The following EFR3A variants were observed in gnomAD, a reference collection of about 807,000 sequenced individuals.
The protein encoded by EFR3A is EFR3 homolog A.
EFR3A carries 76 observed loss-of-function variants against 104.4 expected under a neutral mutation model. The ratio of observed to expected loss-of-function variants is 0.73; its 90% confidence interval spans 0.60 to 0.88. The LOEUF (loss-of-function observed/expected upper bound fraction) is 0.88, where lower values mean the gene tolerates loss of function less well. Among genes scored for constraint, EFR3A ranks in the 40% least tolerant of loss-of-function variants. The probability of loss-of-function intolerance (pLI) is 0.00; values close to 1 mark genes in which losing one functional copy is unlikely to be tolerated. For synonymous variants in EFR3A, 330 were observed against 330.0 expected, an observed-to-expected ratio of 1.00 and a Z score of 0.00; for missense variants, 985 against 1,012.5, an observed-to-expected ratio of 0.97 and a Z score of 0.37.
At chr8:131,927,002 T>C (rs777925665) in intron 1 of EFR3A, among the ~76,000 whole-genome samples, 1 of 152,208 alleles carries the variant, frequency 6.6e-6, no homozygotes, top group Non-Finnish European at 1.5e-5. Context: ...CTGTGGACTT[T>C]CTTAGCAGTC....
At chr8:131,997,228 C>T (rs957451358) in intron 19 of EFR3A, among the ~76,000 whole-genome samples, 22 of 152,070 alleles carry the variant, frequency 1.4e-4, no homozygotes, top group African/African-American at 4.6e-4. Context: ...CAACCTCCAC[C>T]TTGTGGTTTA....
chr8:131,978,127 C>A (rs1820414780), intron 12 of EFR3A, among the ~76,000 whole-genome samples: 1 of 152,078 alleles, frequency 6.6e-6, no homozygotes, highest in Non-Finnish European at 1.5e-5. Context: ...TGTTTATAAT[C>A]CTGAAAATAT....
chr8:131,925,688 A>T (rs577358198), intron 1 of EFR3A, among the ~76,000 whole-genome samples: 2 of 152,046 alleles, frequency 1.3e-5, no homozygotes, highest in East Asian at 3.9e-4. Flanking sequence ...CTCCCTGAAG[A>T]CCTGATTATA....
At chr8:131,948,639 A>G (rs1000811485) in intron 4 of EFR3A, among the ~76,000 whole-genome samples, 13 of 152,100 alleles carry the variant, frequency 8.5e-5, no homozygotes, top group Admixed American at 7.9e-4. Context: ...GAATTTTAGT[A>G]TACATTTCCG....
At chr8:131,954,104 ACCTTTCTG>A in intron 6 of EFR3A, 137 bp downstream of exon 6, 1 of 864,924 alleles carries the variant, frequency 1.2e-6, no homozygotes, top group Non-Finnish European at 1.6e-6. Flanking sequence ...AAAAATATGT[ACCTTTCTG>A]AAAAAATTTT....
intron 5 of EFR3A, among the ~76,000 whole-genome samples, chr8:131,951,261 G>A (rs928898996): frequency 5.9e-5 from 9 of 152,116 alleles, no homozygotes; most frequent in African/African-American, 1.9e-4. Flanking sequence ...CTGTGATGCT[G>A]CTGGTATGAT....
At chr8:131,938,201 G>A (rs1199821051) in intron 1 of EFR3A, 8 of 397,252 alleles carry the variant, frequency 2.0e-5, no homozygotes, top group Non-Finnish European at 3.6e-5. Flanking sequence ...CAGAAAGATC[G>A]ACTAGAAAAT....
intron 22 of EFR3A, among the ~76,000 whole-genome samples, chr8:132,004,151 C>T (rs1821920003): frequency 6.6e-6 from 1 of 152,172 alleles, no homozygotes; most frequent in African/African-American, 2.4e-5. Flanking sequence ...ACATTTCCCT[C>T]CCATTCCTGC....
chr8:131,984,124 G>A lies in EFR3A; in HGVS notation c.1576-15G>A. The A allele has an allele frequency of 6.3e-7, 1 of 1,585,714 alleles. No homozygotes were observed. Among genetic ancestry groups the A allele is most frequent in the Non-Finnish European group, 8.6e-7 (1 of 1,168,854 alleles). On this transcript the variant is annotated splice_polypyrimidine_tract_variant and intron_variant, in intron 14 of 22. Transcript: ENST00000254624. ...TTAAGCAAAATTACCTTTGTCCTCT[G>A]TCTTTTCTCCTCAGAATGGGCAACA...
chr8:132,000,130 T>TTTTTTG (rs1333223262), intron 19 of EFR3A, among the ~76,000 whole-genome samples: 1 of 152,058 alleles, frequency 6.6e-6, no homozygotes, highest in Non-Finnish European at 1.5e-5. Flanking sequence ...TAGGGGTTCT[T>TTTTTTG]TTTTTGTTTG....
chr8:131,988,191 A>C (rs200094107), intron 18 of EFR3A, among the ~76,000 whole-genome samples: 3 of 67,602 alleles, frequency 4.4e-5, no homozygotes, highest in Admixed American at 1.7e-4. Flanking sequence ...TGTGAACTAT[A>C]TATTTTCCCA....
intron 14 of EFR3A, among the ~76,000 whole-genome samples, chr8:131,983,359 A>T (rs1176196047): frequency 6.6e-6 from 1 of 152,132 alleles, no homozygotes; most frequent in Non-Finnish European, 1.5e-5. Flanking sequence ...GGGCAAGAGC[A>T]TGGTGGTCAT....
At chr8:131,962,586 G>A (rs985315966) in intron 8 of EFR3A, among the ~76,000 whole-genome samples, 4 of 152,084 alleles carry the variant, frequency 2.6e-5, no homozygotes, top group Non-Finnish European at 5.9e-5. Context: ...AGAAAGAGAC[G>A]TAGACTCCCA....
intron 19 of EFR3A, among the ~76,000 whole-genome samples, chr8:131,999,549 C>G (rs1437103104): frequency 6.7e-6 from 1 of 150,292 alleles, no homozygotes; most frequent in African/African-American, 2.4e-5. Context: ...TGCACCACTT[C>G]TCTATAACTC....
chr8:131,999,650 T>C lies in EFR3A; in HGVS notation c.2158-2109T>C, dbSNP rs548020576. 9.2e-5 allele frequency among the ~76,000 whole-genome samples: 14 copies of C among 151,778 alleles called. No individual in the cohort carries two copies. In the East Asian group the frequency reaches 2.5e-3, roughly 27 times the overall value. Reference sequence around the variant, plus strand: ...GTACGTAGCTTGTATTTACCAGCTATGGTATATAAAAATATGAATCATTAA... The same window carrying C: ...GTACGTAGCTTGTATTTACCAGCTACGGTATATAAAAATATGAATCATTAA... On this transcript the variant is annotated intron_variant, in intron 19 of 22. Transcript: ENST00000254624.
chr8:131,971,670 A>G (rs1055498593), intron 10 of EFR3A, among the ~76,000 whole-genome samples: 3 of 147,686 alleles, frequency 2.0e-5, no homozygotes, highest in Non-Finnish European at 4.5e-5. Flanking sequence ...TCTGGGCGAC[A>G]GCAAGACTCC....
At chr8:132,002,796 A>C (rs1330727783) in intron 21 of EFR3A, 90 bp downstream of exon 21, 1 of 1,052,636 alleles carries the variant, frequency 9.5e-7, no homozygotes, top group Non-Finnish European at 1.4e-6. Context: ...TCCAAGCTTT[A>C]GTCAAATCAA....
At chr8:131,979,467 C>A in intron 14 of EFR3A, 46 bp downstream of exon 14, 1 of 1,320,354 alleles carries the variant, frequency 7.6e-7, no homozygotes, top group South Asian at 1.3e-5. Context: ...AAATTACAGC[C>A]GTTTGAATTG....
rs769584711 is a variant in EFR3A at position 131,944,814 on chromosome 8, C to T, written c.157C>T (p.Arg53Ter). ...YAVSAPEKLD[R>*]IGSYLAERLS... Reference sequence around the variant, plus strand: ...AGTATCTGCTCCAGAGAAACTGGATCGAATTGGTTCTTACCTGGCAGAAAG... The same window carrying T: ...AGTATCTGCTCCAGAGAAACTGGATTGAATTGGTTCTTACCTGGCAGAAAG... Residue 53 changes from arginine to a stop codon, truncating the protein, a stop_gained, in exon 3 of 23, where the codon CGA becomes TGA. Coordinates refer to ENST00000254624, the MANE Select transcript of EFR3A (RefSeq NM_015137.6). LOFTEE classifies it high-confidence loss of function. 1.2e-6 allele frequency: 2 copies of T among 1,609,884 alleles called. No homozygotes were observed. Among genetic ancestry groups the T allele is most frequent in the East Asian group, 2.2e-5 (1 of 44,658 alleles).
Sources: allele counts gnomAD v4.1 joint callset (sites outside exome capture counted in the v4.1 genomes callset), GRCh38; gene constraint gnomAD v4.1.1; transcripts MANE v1.5; gene names NCBI Gene and HGNC (gene_info 2026-07-23, HGNC 2026-07-21).